Variants in NSG1 observed in about 807,000 individuals in gnomAD.
NSG1 encodes neuronal vesicle trafficking associated 1.
A neutral mutation model predicts 19.3 loss-of-function variants in NSG1; 9 were observed. The observed-to-expected ratio is 0.47, with a 90% confidence interval of 0.28 to 0.81. NSG1 has a LOEUF of 0.81. NSG1 is among the 40% of genes least tolerant of loss of function. The pLI is 0.11. For synonymous variants in NSG1, 104 were observed against 107.0 expected, an observed-to-expected ratio of 0.97 and a Z score of 0.17; for missense variants, 236 against 242.4, an observed-to-expected ratio of 0.97 and a Z score of 0.18.
chr4:4,404,718 A>G (rs894162452), intron 3 of NSG1, among the ~76,000 whole-genome samples: 1 of 152,186 alleles, frequency 6.6e-6, no homozygotes, highest in African/African-American at 2.4e-5. Context: ...TAAGTATCTC[A>G]TGGGGAGGGG....
In NSG1 at chr4:4,397,816, G is replaced by A. The variant is rs140579005; in HGVS notation, c.246+6225G>A. Among the ~76,000 whole-genome samples, 567 of 152,220 alleles carry A rather than the reference G, an allele frequency of 3.7e-3. 1 individual carries two copies. The highest frequency in any genetic ancestry group is 6.3e-3 in the Non-Finnish European group (431 of 68,022). ...ATCCTGTTTGTATTTCTCTGTTCCC[G>A]GCTGTTCTTTCCAGAAAACACTCCT... On this transcript the variant is annotated intron_variant, in intron 3 of 4. Transcript: ENST00000621129.
At position 4,387,717 on chromosome 4, in the gene NSG1, C is replaced by G. The variant is rs757558728; in HGVS notation, c.88C>G (p.Pro30Ala). 6.2e-7 allele frequency: 1 copy of G among 1,612,946 alleles called. No individual in the cohort carries two copies. Among genetic ancestry groups the G allele is most frequent in the Admixed American group, 1.7e-5 (1 of 60,030 alleles). Residue 30 changes from proline (P) to alanine (A), a missense_variant, in exon 2 of 5, where the codon CCC (proline) becomes GCC (alanine). Coordinates refer to ENST00000621129, the MANE Select transcript of NSG1 (RefSeq NM_014392.5). The stretch of plus-strand genomic sequence containing the variant: ...CTTCGACACCATTCCCCTGATGACG[C>G]CCCTCGATGTCAATCAGCTGCAGTT... ...DGFDTIPLMT[P>A]LDVNQLQFPP...
intron 3 of NSG1, among the ~76,000 whole-genome samples, chr4:4,403,463 T>C (rs2108741999): frequency 6.6e-6 from 1 of 152,326 alleles, no homozygotes; most frequent in South Asian, 2.1e-4. Flanking sequence ...CAAGCTTCTC[T>C]CTGCTCTTTT....
At chr4:4,387,830 G>C in intron 2 of NSG1, 72 bp downstream of exon 2, 1 of 1,291,422 alleles carries the variant, frequency 7.7e-7, no homozygotes, top group Non-Finnish European at 1.1e-6. Flanking sequence ...CGCAACAAAA[G>C]AAACGCGCCG....
chr4:4,391,426 A>AG, intron 2 of NSG1, 49 bp from the exon 3 acceptor site: 1 of 1,270,146 alleles, frequency 7.9e-7, no homozygotes, highest in Non-Finnish European at 1.1e-6. Context: ...CTCTTTGGGC[A>AG]GATATGTCTG....
At chr4:4,397,981 T>G (rs4426716) in intron 3 of NSG1, among the ~76,000 whole-genome samples, 1 of 151,870 alleles carries the variant, frequency 6.6e-6, no homozygotes, top group Admixed American at 6.6e-5. Context: ...TGAGATGGAG[T>G]CTTGCTGTGT....
At position 4,417,218 on chromosome 4, in the gene NSG1, G is replaced by A. The variant is rs1199619061; in HGVS notation, c.358-17G>A. 1.9e-6 allele frequency: 3 copies of A among 1,612,488 alleles called. No individual in the cohort carries two copies. The highest frequency in any genetic ancestry group is 1.1e-5 in the South Asian group (1 of 91,006). On this transcript the variant is annotated splice_polypyrimidine_tract_variant and intron_variant, in intron 4 of 4. Transcript: ENST00000621129. ...TCTTGCACCGACGCGTGCTCTCAGT[G>A]GCCTCTTGTCTTTCAGAACACCCAG...
At chr4:4,414,565 C>T (rs556385224) in intron 4 of NSG1, among the ~76,000 whole-genome samples, 3 of 152,296 alleles carry the variant, frequency 2.0e-5, no homozygotes, top group East Asian at 1.9e-4. Context: ...CATATTTGTG[C>T]GTGTGTTTGT....
rs1724720658 is a variant in NSG1 at position 4,418,563 on chromosome 4, CTAAG to C, written c.*1130_*1133del. ...TTTACAAAACTGCCAGTTAGATGAACTAAGTGTGTAAAACAAATAGAAAAGACAT... is the reference window on the plus strand; with the variant it reads ...TTTACAAAACTGCCAGTTAGATGAACTGTGTAAAACAAATAGAAAAGACAT... On this transcript the variant is annotated 3_prime_UTR_variant, in exon 5 of 5. Coordinates refer to ENST00000621129, the MANE Select transcript of NSG1 (RefSeq NM_014392.5). 6.7e-6 allele frequency: 1 copy of C among 148,444 alleles called. No homozygotes were observed. The highest frequency in any genetic ancestry group is 2.4e-5 in the African/African-American group (1 of 40,836). 9.2% of individuals were successfully genotyped at this position (148,444 alleles called of 1,614,324 possible).
intron 4 of NSG1, among the ~76,000 whole-genome samples, chr4:4,412,754 T>C (rs139563010): frequency 3.5e-4 from 54 of 152,290 alleles, no homozygotes; most frequent in African/African-American, 1.2e-3. Context: ...GGCTCTGAAC[T>C]TCCCAGAGTC....
chr4:4,398,385 T>C (rs1723378518), intron 3 of NSG1, among the ~76,000 whole-genome samples: 1 of 152,186 alleles, frequency 6.6e-6, no homozygotes, highest in South Asian at 2.1e-4. Context: ...CTAAGCTAGT[T>C]CCAGCACATT....
Position 4,391,350 on chromosome 4 carries a change from T to G in NSG1, c.130-125T>G, listed in dbSNP as rs878860670. 285 of 665,362 alleles carry G rather than the reference T, an allele frequency of 4.3e-4. 1 individual carries two copies. The highest frequency in any genetic ancestry group is 4.9e-5 in the Non-Finnish European group (18 of 370,470). 41.2% of individuals were successfully genotyped at this position (665,362 alleles called of 1,614,324 possible). ...GGAGATTTCCAAAAAGTAGTGGCTG[T>G]TCTCGTTCTTGTGAATTTCTTCCTG... On this transcript the variant is annotated intron_variant, in intron 2 of 4. Coordinates refer to ENST00000621129, the MANE Select transcript of NSG1 (RefSeq NM_014392.5).
intron 3 of NSG1, among the ~76,000 whole-genome samples, chr4:4,402,385 T>TAGTAGAGA (rs1199294615): frequency 1.1e-5 from 1 of 91,736 alleles, no homozygotes; most frequent in Non-Finnish European, 1.9e-5. Flanking sequence ...TTTTTTTTTT[T>TAGTAGAGA]TTTTTTTTTT....
chr4:4,389,528 C>CTGAA (rs1722897137), intron 2 of NSG1, among the ~76,000 whole-genome samples: 1 of 152,184 alleles, frequency 6.6e-6, no homozygotes. Context: ...GGTCACTGGG[C>CTGAA]TGAAGGTTAC....
chr4:4,407,649 T>G lies in NSG1; in HGVS notation c.247-1924T>G, dbSNP rs571591748. Among the ~76,000 whole-genome samples, 3 of 152,026 alleles carry G rather than the reference T, an allele frequency of 2.0e-5. No individual in the cohort carries two copies. The East Asian group carries it at 5.8e-4, about 30-fold the overall frequency. ...GTCAGGATGCAGGCTCGGGGACAAT[T>G]GTGAGGCCTGGAGATGAAGACCTCC... On this transcript the variant is annotated intron_variant, in intron 3 of 4. Coordinates refer to ENST00000621129, the MANE Select transcript of NSG1 (RefSeq NM_014392.5).
chr4:4,397,905 G>A (rs1005479779), intron 3 of NSG1, among the ~76,000 whole-genome samples: 12 of 151,986 alleles, frequency 7.9e-5, no homozygotes, highest in South Asian at 2.1e-4. Flanking sequence ...AATAGTTTGC[G>A]ACACCAGCCT....
At chr4:4,414,829 TG>T (rs1451013704) in intron 4 of NSG1, among the ~76,000 whole-genome samples, 2 of 151,878 alleles carry the variant, frequency 1.3e-5, no homozygotes, top group Non-Finnish European at 2.9e-5. Flanking sequence ...CCCCAGGCAG[TG>T]GGGAGGGGAC....
rs1456942832 is a variant in NSG1, at chr4:4,417,374, C to T, written c.497C>T (p.Ser166Leu). The change falls in exon 5 of 5, where the codon TCA becomes TTA. Residue 166 changes from serine to leucine, a missense_variant. Ser to Leu is a moderately radical substitution (Grantham distance 145, BLOSUM62 -2). Coordinates refer to ENST00000621129, the MANE Select transcript of NSG1 (RefSeq NM_014392.5). ...SITRSVSPWM[S>L]VLSEEKLSEQ... ...ACGCGCTCCGTATCGCCCTGGATGT[C>T]AGTTCTGTCAGAAGAGAAGCTGTCC... 1.2e-6 allele frequency: 2 copies of T among 1,614,210 alleles called. No individual in the cohort carries two copies. The highest frequency in any genetic ancestry group is 1.7e-6 in the Non-Finnish European group (2 of 1,180,046).
chr4:4,387,676 C>G lies in NSG1; in HGVS notation c.47C>G (p.Pro16Arg), dbSNP rs768216770. The G allele has an allele frequency of 6.2e-7, 1 of 1,613,850 alleles. No homozygotes were observed. Among genetic ancestry groups the G allele is most frequent in the Non-Finnish European group, 8.5e-7 (1 of 1,179,856 alleles). The change falls in exon 2 of 5, where the codon CCG (proline) becomes CGG (arginine). Residue 16 changes from proline (P) to arginine (R), a missense_variant. Coordinates refer to ENST00000621129, the MANE Select transcript of NSG1 (RefSeq NM_014392.5). ...TTCGCAGAGAAGGGCACCAAGCAGC[C>G]GCTGCTGGAGGATGGCTTCGACACC... ...NNFAEKGTKQ[P>R]LLEDGFDTIP...
Sources: gnomAD v4.1 joint callset for allele counts (sites outside exome capture counted in the v4.1 genomes callset) on GRCh38, gnomAD v4.1.1 for gene constraint, MANE v1.5 for transcripts, NCBI Gene and HGNC (gene_info 2026-07-23, HGNC 2026-07-21) for gene names.